ATP10B: variants seen among roughly 807,000 people sequenced by gnomAD.
The protein encoded by ATP10B is phospholipid-transporting ATPase VB.
In ATP10B, 122 loss-of-function variants were observed where a neutral mutation model predicts 141.2. The ratio of observed to expected loss-of-function variants is 0.86; its 90% confidence interval spans 0.75 to 1.00. The LOEUF (loss-of-function observed/expected upper bound fraction) is 1.00. Ranked by LOEUF, ATP10B falls within the 50% of genes least tolerant of loss-of-function variation. ATP10B has a pLI of 0.00. For synonymous variants in ATP10B, 685 were observed against 692.0 expected, an observed-to-expected ratio of 0.99 and a Z score of 0.16; for missense variants, 1,876 against 1,825.3, an observed-to-expected ratio of 1.03 and a Z score of -0.51.
At chr5:160,581,859 T>G (rs1755576011) in intron 24 of ATP10B, among the ~76,000 whole-genome samples, 1 of 152,198 alleles carries the variant, frequency 6.6e-6, no homozygotes, top group African/African-American at 2.4e-5. Flanking sequence ...ATATTTAGGA[T>G]AGTTAGCCCT....
intron 1 of ATP10B, among the ~76,000 whole-genome samples, chr5:160,851,605 T>A (rs1260619714): frequency 6.6e-6 from 1 of 152,166 alleles, no homozygotes; most frequent in Admixed American, 6.6e-5. Context: ...AGGCTGTAAC[T>A]CCATCTGCTT....
chr5:160,592,402 T>C (rs550159565), intron 22 of ATP10B, among the ~76,000 whole-genome samples: 2 of 152,266 alleles, frequency 1.3e-5, no homozygotes, highest in African/African-American at 4.8e-5. Context: ...CCCATATTAA[T>C]GTGTGATATA....
At chr5:160,789,106 G>T (rs545126965) in intron 1 of ATP10B, among the ~76,000 whole-genome samples, 21 of 152,228 alleles carry the variant, frequency 1.4e-4, no homozygotes, top group African/African-American at 5.1e-4. Flanking sequence ...CACACCTCAT[G>T]TACATGCACC....
At chr5:160,902,744 G>T in the ATP10B span, among the ~76,000 whole-genome samples, 1 of 152,074 alleles carries the variant, frequency 6.6e-6, no homozygotes, top group South Asian at 2.1e-4. Context: ...CCTATCAGAG[G>T]GTTCAACACA....
At chr5:160,684,443 T>C (rs1453941471) in intron 6 of ATP10B, among the ~76,000 whole-genome samples, 2 of 152,214 alleles carry the variant, frequency 1.3e-5, no homozygotes, top group African/African-American at 4.8e-5. Flanking sequence ...GTGTCTCCTG[T>C]TGTGCTTCTC....
intron 13 of ATP10B, among the ~76,000 whole-genome samples, chr5:160,628,343 A>C (rs954694357): frequency 3.5e-4 from 54 of 152,350 alleles, no homozygotes; most frequent in African/African-American, 1.3e-3. Context: ...GATAGGCTTC[A>C]CTGCTTCCTG....
chr5:160,593,681 T>C (rs1248174247), intron 22 of ATP10B, among the ~76,000 whole-genome samples: 1 of 152,178 alleles, frequency 6.6e-6, no homozygotes, highest in Non-Finnish European at 1.5e-5. Flanking sequence ...TAGATGAATG[T>C]AGAACTAGAA....
intron 3 of ATP10B, among the ~76,000 whole-genome samples, chr5:160,706,981 C>T (rs1313278317): frequency 4.6e-5 from 7 of 150,764 alleles, no homozygotes; most frequent in African/African-American, 1.7e-4. Context: ...GACAGAGTCT[C>T]GCTTTGTCGC....
At chr5:160,745,155 T>C (rs1767719731) in intron 2 of ATP10B, among the ~76,000 whole-genome samples, 1 of 152,234 alleles carries the variant, frequency 6.6e-6, no homozygotes, top group Non-Finnish European at 1.5e-5. Context: ...TTGTCATTAT[T>C]GTTATGCCTT....
intron 7 of ATP10B, among the ~76,000 whole-genome samples, chr5:160,662,810 C>G (rs2127715231): frequency 6.6e-6 from 1 of 152,288 alleles, no homozygotes; most frequent in South Asian, 2.1e-4. Flanking sequence ...TCTAATTAAA[C>G]TAAAGAGCTT....
chr5:160,828,710 T>G (rs914859609), intron 1 of ATP10B, among the ~76,000 whole-genome samples: 1 of 151,968 alleles, frequency 6.6e-6, no homozygotes, highest in Non-Finnish European at 1.5e-5. Context: ...TTACTGGGTA[T>G]GTACCCAAAG....
chr5:160,703,221 CT>C (rs1329063666), intron 3 of ATP10B, among the ~76,000 whole-genome samples: 1 of 151,984 alleles, frequency 6.6e-6, no homozygotes, highest in Non-Finnish European at 1.5e-5. Context: ...AACTCGGAGA[CT>C]GTGGGTTTGG....
intron 18 of ATP10B, among the ~76,000 whole-genome samples, chr5:160,611,462 C>T (rs566552432): frequency 6.6e-5 from 10 of 152,114 alleles, no homozygotes; most frequent in Non-Finnish European, 1.5e-4. Flanking sequence ...AAATTACTTT[C>T]CTTCCTAAGC....
chr5:160,629,564 A>T (rs1357524705), intron 13 of ATP10B, among the ~76,000 whole-genome samples: 1 of 152,198 alleles, frequency 6.6e-6, no homozygotes, highest in East Asian at 1.9e-4. Flanking sequence ...TATTTCATGG[A>T]AACTCCCCAT....
chr5:160,684,138 GTC>G (rs1452452542), intron 6 of ATP10B, among the ~76,000 whole-genome samples: 1 of 152,214 alleles, frequency 6.6e-6, no homozygotes, highest in African/African-American at 2.4e-5. Flanking sequence ...GTGGTGTGCA[GTC>G]TTTGCTTTGG....
In ATP10B at chr5:160,563,473, A is replaced by G. The variant is rs1754366671; in HGVS notation, c.*1980T>C. The G allele has an allele frequency of 6.6e-6, 1 of 152,210 alleles. No homozygotes were observed. Among genetic ancestry groups the G allele is most frequent in the African/African-American group, 2.4e-5 (1 of 41,460 alleles). The allele number at this position is 152,210 out of a possible 1,614,324, so 9.4% of individuals were successfully genotyped here. A position where few individuals can be genotyped will look rare whatever the true frequency, so the allele number is the denominator to read the frequency against. ...TTGGAACTTAGGAACAGGATCAGACATTATTTTTTAACTTCTCCACCTATT... is the reference window on the plus strand; with the variant it reads ...TTGGAACTTAGGAACAGGATCAGACGTTATTTTTTAACTTCTCCACCTATT... On this transcript the variant is annotated 3_prime_UTR_variant, in exon 26 of 26. Coordinates refer to ENST00000327245, the MANE Select transcript of ATP10B (RefSeq NM_025153.3).
chr5:160,834,885 T>G (rs1014580520), intron 1 of ATP10B, among the ~76,000 whole-genome samples: 4 of 152,166 alleles, frequency 2.6e-5, no homozygotes, highest in African/African-American at 9.7e-5. Flanking sequence ...CAGAATGAAC[T>G]TAGTCTGTAT....
the ATP10B span, among the ~76,000 whole-genome samples, chr5:160,881,437 T>C: frequency 6.6e-6 from 1 of 152,236 alleles, no homozygotes; most frequent in Non-Finnish European, 1.5e-5. Context: ...ATTGTGCTTC[T>C]TGGTATTTAT....
chr5:160,701,994 C>A (rs1490818419), intron 3 of ATP10B, among the ~76,000 whole-genome samples: 2 of 151,484 alleles, frequency 1.3e-5, no homozygotes, highest in African/African-American at 4.9e-5. Context: ...GGAACAGTAA[C>A]CCCTCTACCC....
Sources: gnomAD v4.1 joint callset for allele counts (sites outside exome capture counted in the v4.1 genomes callset) on GRCh38, gnomAD v4.1.1 for gene constraint, MANE v1.5 for transcripts, NCBI Gene and HGNC (gene_info 2026-07-23, HGNC 2026-07-21) for gene names.